The following KLHL12 variants were observed in gnomAD, a reference collection of about 807,000 sequenced individuals.
KLHL12 encodes the protein kelch like family member 12.
KLHL12 carries 17 observed loss-of-function variants against 60.8 expected under a neutral mutation model. That is an observed-to-expected ratio of 0.28 (90% CI 0.19 to 0.42). KLHL12 has a LOEUF of 0.42. KLHL12 is among the 10% of genes least tolerant of loss of function. The pLI is 1.00. For synonymous variants in KLHL12, 220 were observed against 250.9 expected (o/e 0.88, Z 1.16); for missense variants, 468 against 722.3 (o/e 0.65, Z 4.04).
Position 202,891,129 on chromosome 1 carries a change from G to A in KLHL12, c.*1404C>T, listed in dbSNP as rs1385921418. On this transcript the variant is annotated 3_prime_UTR_variant, in exon 12 of 12. Transcript: ENST00000367261. ...CCACAAACTCTCGGCATTTGAGACCGTTGATTTTTAATATTTTCTTAAAAA... is the reference window on the plus strand; with the variant it reads ...CCACAAACTCTCGGCATTTGAGACCATTGATTTTTAATATTTTCTTAAAAA... 6.6e-6 allele frequency: 1 copy of A among 151,930 alleles called. No individual in the cohort carries two copies. The highest frequency in any genetic ancestry group is 1.5e-5 in the Non-Finnish European group (1 of 68,026). The allele number at this position is 151,930 out of a possible 1,614,324, so 9.4% of individuals were successfully genotyped here. A position where few individuals can be genotyped will look rare whatever the true frequency, so the allele number is the denominator to read the frequency against.
upstream of KLHL12, among the ~76,000 whole-genome samples, chr1:202,927,981 T>TAAA (rs375809629): frequency 2.9e-5 from 3 of 103,670 alleles, no homozygotes; most frequent in African/African-American, 7.8e-5. Flanking sequence ...CTCTGTCTCT[T>TAAA]AAAAAAAAAA....
At chr1:202,903,976 T>TTATCTATC (rs768857530) in intron 6 of KLHL12, among the ~76,000 whole-genome samples, 7 of 150,904 alleles carry the variant, frequency 4.6e-5, no homozygotes, top group Non-Finnish European at 7.4e-5. Context: ...CTTTAACCCT[T>TTATCTATC]TATCTATCTA....
chr1:202,895,818 T>G lies in KLHL12; in HGVS notation c.940-101A>C, dbSNP rs1659816258. ...TGTTGTATCTGCACACCTCTCTGCT[T>G]CTTCACCTGTCATCATGAACCCTCC... On this transcript the variant is annotated intron_variant, in intron 7 of 11. Coordinates refer to ENST00000367261, the MANE Select transcript of KLHL12 (RefSeq NM_021633.4). The surrounding 1 kb of genome is among the most constrained non-coding windows in gnomAD (Gnocchi z 4.2). 1 of 821,926 alleles carries G rather than the reference T, an allele frequency of 1.2e-6. No individual in the cohort carries two copies. The highest frequency in any genetic ancestry group is 1.7e-5 in the African/African-American group (1 of 58,888). 50.9% of individuals were successfully genotyped at this position (821,926 alleles called of 1,614,324 possible).
intron 2 of KLHL12, among the ~76,000 whole-genome samples, chr1:202,921,672 C>T (rs909307629): frequency 6.6e-6 from 1 of 152,068 alleles, no homozygotes; most frequent in Non-Finnish European, 1.5e-5. Flanking sequence ...ATTGATGAGG[C>T]CAGATAATCA....
chr1:202,925,590 A>G (rs776924763), intron 1 of KLHL12, among the ~76,000 whole-genome samples: 95 of 152,340 alleles, frequency 6.2e-4, no homozygotes, highest in Admixed American at 3.5e-3. Flanking sequence ...CCTTAAGTAG[A>G]TAAGTATTTA....
At position 202,893,476 on chromosome 1, in the gene KLHL12, G is replaced by T; in HGVS notation, c.1394-51C>A. ...ATGTATGGTACTAAGCCTAGAATCT[G>T]AATTATAGAAATAAACTACGGTCAC... On this transcript the variant is annotated intron_variant, in intron 10 of 11. Coordinates refer to ENST00000367261, the MANE Select transcript of KLHL12 (RefSeq NM_021633.4). This position sits in a 1 kb window ranked among gnomAD's most constrained non-coding sequence, Gnocchi z 4.1. 1 of 1,462,970 alleles carries T rather than the reference G, an allele frequency of 6.8e-7. No individual in the cohort carries two copies. The highest frequency in any genetic ancestry group is 9.4e-7 in the Non-Finnish European group (1 of 1,065,306). The allele number at this position is 1,462,970 out of a possible 1,614,324, so 90.6% of individuals were successfully genotyped here.
intron 6 of KLHL12, among the ~76,000 whole-genome samples, chr1:202,899,510 A>G (rs1327759934): frequency 1.3e-5 from 2 of 152,078 alleles, no homozygotes; most frequent in African/African-American, 4.8e-5. Context: ...GCCAGCAAGT[A>G]GGTCTCAGGA....
At chr1:202,922,063 T>C (rs1471752141) in intron 2 of KLHL12, among the ~76,000 whole-genome samples, 2 of 152,238 alleles carry the variant, frequency 1.3e-5, no homozygotes, top group Non-Finnish European at 2.9e-5. Flanking sequence ...TAAGTACATG[T>C]ATTCCAGAAA....
Position 202,895,333 on chromosome 1 carries a change from G to A in KLHL12, c.1135+189C>T, listed in dbSNP as rs911411873. On this transcript the variant is annotated intron_variant, in intron 8 of 11. Transcript: ENST00000367261. This position sits in a 1 kb window ranked among gnomAD's most constrained non-coding sequence, Gnocchi z 4.2. ...GCTTGAGCTTGGGGAGGTTGAGGCT[G>A]CAGTGAGCCGTGATCACACCACTGC... is the stretch of plus-strand genomic sequence containing the variant. 7.2e-5 allele frequency among the ~76,000 whole-genome samples: 11 copies of A among 152,182 alleles called. No homozygotes were observed. Among genetic ancestry groups the A allele is most frequent in the African/African-American group, 2.4e-4 (10 of 41,434 alleles).
rs185979577 is a variant in KLHL12 at position 202,921,037 on chromosome 1, G to T, written c.196-1129C>A. Among the ~76,000 whole-genome samples the T allele has an allele frequency of 3.0e-4, 46 of 151,682 alleles. 1 individual carries two copies. Among genetic ancestry groups the T allele is most frequent in the Non-Finnish European group, 5.9e-4 (40 of 67,842 alleles). On this transcript the variant is annotated intron_variant, in intron 2 of 11. Coordinates refer to ENST00000367261, the MANE Select transcript of KLHL12 (RefSeq NM_021633.4). Reference sequence around the variant, plus strand: ...TTTTTTTCCCCTTTGTTGAGATAGGGTCTTGCTCTGTTCCCCAGGCTGGAG... The same window carrying T: ...TTTTTTTCCCCTTTGTTGAGATAGGTTCTTGCTCTGTTCCCCAGGCTGGAG...
rs1557984633 is a variant in KLHL12, at chr1:202,894,646, C to G, written c.1239G>C (p.Gln413His). 8.7e-6 allele frequency: 14 copies of G among 1,614,190 alleles called. No individual in the cohort carries two copies. Among genetic ancestry groups the G allele is most frequent in the Non-Finnish European group, 1.2e-5 (14 of 1,180,040 alleles). ...IDQWSMLGDM[Q>H]TAREGAGLVV... ...CGAGTCCGGCACCTTCCCGGGCTGT[C>G]TGCATATCTCCCAGCATGCTCCACT... The change falls in exon 9 of 12, where the codon CAG (glutamine) becomes CAC (histidine). Residue 413 changes from glutamine to histidine, a missense_variant. Coordinates refer to ENST00000367261, the MANE Select transcript of KLHL12 (RefSeq NM_021633.4).
intron 4 of KLHL12, 95 bp from the exon 5 acceptor site, chr1:202,911,298 C>T: frequency 7.5e-7 from 1 of 1,339,312 alleles, no homozygotes; most frequent in Non-Finnish European, 1.0e-6. Flanking sequence ...TCCTGCTTCC[C>T]ATTGCCCACC....
chr1:202,900,433 C>T (rs1361836745), intron 6 of KLHL12, among the ~76,000 whole-genome samples: 1 of 151,960 alleles, frequency 6.6e-6, no homozygotes, highest in African/African-American at 2.4e-5. Flanking sequence ...GCCTGTAGTC[C>T]CAGCTACTCC....
intron 4 of KLHL12, among the ~76,000 whole-genome samples, chr1:202,915,489 A>G (rs1025822482): frequency 2.0e-5 from 3 of 152,202 alleles, no homozygotes; most frequent in Non-Finnish European, 2.9e-5. Flanking sequence ...AAAACTACAC[A>G]TAAGAGTTCT....
chr1:202,912,465 G>A, intron 4 of KLHL12: 1 of 870,246 alleles, frequency 1.1e-6, no homozygotes, highest in Non-Finnish European at 1.9e-6. Context: ...AGCCGTGGTG[G>A]TGGTGGTGGA....
chr1:202,899,835 A>AT (rs1659952906), intron 6 of KLHL12, among the ~76,000 whole-genome samples: 1 of 149,912 alleles, frequency 6.7e-6, no homozygotes, highest in East Asian at 2.0e-4. Flanking sequence ...AAAAAAAAAA[A>AT]AAAAATAATA....
chr1:202,910,925 C>T lies in KLHL12; in HGVS notation c.717+129G>A, dbSNP rs987507933. 5 of 1,015,408 alleles carry T rather than the reference C, an allele frequency of 4.9e-6. No homozygotes were observed. The Admixed American group carries it at 1.1e-4, about 22-fold the overall frequency. The allele number at this position is 1,015,408 out of a possible 1,614,324, so 62.9% of individuals were successfully genotyped here. On this transcript the variant is annotated intron_variant, in intron 5 of 11. Coordinates refer to ENST00000367261, the MANE Select transcript of KLHL12 (RefSeq NM_021633.4). The stretch of plus-strand genomic sequence containing the variant: ...TGCTTGGGGACTACCCAGCACCACT[C>T]TCACTGGCATTCCTAGAGAGGCAAA...
In KLHL12 at chr1:202,894,366, T is replaced by C. The variant is rs1485824318; in HGVS notation, c.1295-84A>G. The C allele has an allele frequency of 8.5e-6, 8 of 945,836 alleles. No homozygotes were observed. In the East Asian group the frequency reaches 1.8e-4, roughly 22 times the overall value. 58.6% of individuals were successfully genotyped at this position (945,836 alleles called of 1,614,324 possible). ...GTTTTTTTCTGAGTGCTTCAACTAATTATTTTAGTTTCAATTTTCCCACAA... is the reference window on the plus strand; with the variant it reads ...GTTTTTTTCTGAGTGCTTCAACTAACTATTTTAGTTTCAATTTTCCCACAA... On this transcript the variant is annotated intron_variant, in intron 9 of 11. Transcript: ENST00000367261.
intron 10 of KLHL12, 108 bp downstream of exon 10, chr1:202,894,076 C>T (rs1181222077): frequency 4.9e-6 from 3 of 617,748 alleles, no homozygotes; most frequent in Non-Finnish European, 8.7e-6. Context: ...AGGAGGAGAG[C>T]AGAATCTCAT....
Sources: allele counts gnomAD v4.1 joint callset (sites outside exome capture counted in the v4.1 genomes callset), GRCh38; gene constraint gnomAD v4.1.1; non-coding constraint Gnocchi (gnomAD v3.1); transcripts MANE v1.5; gene names NCBI Gene and HGNC (gene_info 2026-07-23, HGNC 2026-07-21).